NCKAP1: variants seen among roughly 807,000 people sequenced by gnomAD.
NCKAP1 encodes the protein NCK associated protein 1, also known as nck-associated protein 1.
Under a neutral mutation model 151.2 loss-of-function variants are expected in NCKAP1, and 21 were observed. The observed-to-expected ratio is 0.14, with a 90% CI of 0.10 to 0.20. The LOEUF is 0.20. Among genes scored for constraint, NCKAP1 ranks in the 10% least tolerant of loss-of-function variants. The pLI, the probability that NCKAP1 is intolerant of heterozygous loss-of-function variation, is 1.00. For missense variants in NCKAP1, 933 were observed against 1,352.1 expected (o/e 0.69, Z 4.86); for synonymous variants, 484 against 451.8 (o/e 1.07, Z -0.90).
At chr2:183,001,879 C>A in intron 6 of NCKAP1, 74 bp downstream of exon 6, 1 of 1,286,750 alleles carries the variant, frequency 7.8e-7, no homozygotes, top group East Asian at 2.3e-5. Context: ...ACAAGATTAT[C>A]CCTTTATCCA....
At chr2:183,004,661 A>T (rs1457458185) in intron 2 of NCKAP1, among the ~76,000 whole-genome samples, 2 of 152,124 alleles carry the variant, frequency 1.3e-5, no homozygotes, top group Admixed American at 6.5e-5. Context: ...AGATGGGTGG[A>T]TCACCTGAGG....
rs148632013 is a variant in NCKAP1, at chr2:183,029,175, T to C, written c.109-5259A>G. ...GTCAATTCAATATCTCTAAGTTCCT[T>C]TTAAAACACAAATCTGATGTTATCA... is the stretch of plus-strand genomic sequence containing the variant. On this transcript the variant is annotated intron_variant, in intron 1 of 30. Transcript: ENST00000361354. Among the ~76,000 whole-genome samples the C allele has an allele frequency of 4.0e-4, 61 of 152,112 alleles. 1 individual carries two copies. In the East Asian group the frequency reaches 0.01, roughly 25 times the overall value.
chr2:183,011,736 G>C (rs1698593412), intron 2 of NCKAP1, among the ~76,000 whole-genome samples: 1 of 152,086 alleles, frequency 6.6e-6, no homozygotes, highest in African/African-American at 2.4e-5. Flanking sequence ...CATGTCTTTG[G>C]GTAGACATAT....
rs1286451078 is a variant in NCKAP1, at chr2:182,989,176, A to T, written c.801T>A (p.Ile267=). 2 of 1,583,752 alleles carry T rather than the reference A, an allele frequency of 1.3e-6. No homozygotes were observed. The highest frequency in any genetic ancestry group is 4.5e-5 in the East Asian group (2 of 44,620). ...CAGTATTTAGGATCCCATGGCACAA[A>T]ATAAAGCCAACTTTAAATAAAAAGA... ...AMEKWIIFGF[I]LCHGILNTDA... is the part of the protein sequence containing the mutation. The change falls in exon 9 of 31, where the codon ATT becomes ATA. Residue 267 remains isoleucine, a synonymous_variant. Coordinates refer to ENST00000361354, the MANE Select transcript of NCKAP1 (RefSeq NM_013436.5).
chr2:183,001,559 A>G (rs1228552230), intron 6 of NCKAP1, among the ~76,000 whole-genome samples: 1 of 151,716 alleles, frequency 6.6e-6, no homozygotes, highest in Non-Finnish European at 1.5e-5. Context: ...AAGTGCTATT[A>G]TTATTCCATT....
intron 6 of NCKAP1, among the ~76,000 whole-genome samples, chr2:183,000,609 T>C (rs1698358121): frequency 6.6e-6 from 1 of 152,100 alleles, no homozygotes; most frequent in Non-Finnish European, 1.5e-5. Flanking sequence ...AAAATGCTGA[T>C]TTTTTTAAAT....
Position 183,032,283 on chromosome 2 carries a change from T to C in NCKAP1, c.108+5709A>G, listed in dbSNP as rs193161362. On this transcript the variant is annotated intron_variant, in intron 1 of 30. Transcript: ENST00000361354. ...CTCAACTCACAGAATATTCTGCAAG[T>C]ACGGAAAATGTTTAGAAAATAAGTG... Among the ~76,000 whole-genome samples the C allele has an allele frequency of 1.3e-3, 191 of 152,280 alleles. 2 individuals carry two copies. The highest frequency in any genetic ancestry group is 4.5e-3 in the African/African-American group (185 of 41,558).
At chr2:183,002,622 A>G (rs1249908250) in intron 4 of NCKAP1, among the ~76,000 whole-genome samples, 3 of 151,944 alleles carry the variant, frequency 2.0e-5, no homozygotes, top group Admixed American at 1.3e-4. Context: ...AATGGAGACA[A>G]TTTTCACTTT....
chr2:182,982,085 A>C (rs1218648820), intron 12 of NCKAP1, among the ~76,000 whole-genome samples: 1 of 152,132 alleles, frequency 6.6e-6, no homozygotes, highest in Non-Finnish European at 1.5e-5. Flanking sequence ...AAAATAAGAC[A>C]CATTTTAATG....
intron 29 of NCKAP1, 50 bp from the exon 30 acceptor site, chr2:182,926,955 C>G: frequency 3.2e-6 from 4 of 1,269,210 alleles, no homozygotes; most frequent in Non-Finnish European, 4.5e-6. Context: ...AAAGGTTCAT[C>G]GGTTACTTAT....
intron 6 of NCKAP1, 93 bp from the exon 7 acceptor site, chr2:182,995,931 C>G (rs1350071629): frequency 9.2e-7 from 1 of 1,090,450 alleles, no homozygotes; most frequent in Non-Finnish European, 1.3e-6. Context: ...CTAACTATAC[C>G]ATCATAAAAC....
At chr2:183,035,261 C>CA (rs1450213582) in intron 1 of NCKAP1, among the ~76,000 whole-genome samples, 3 of 151,000 alleles carry the variant, frequency 2.0e-5, no homozygotes, top group Non-Finnish European at 4.4e-5. Flanking sequence ...ATTAAGATCT[C>CA]AAAATTTTTG....
chr2:182,955,969 T>C (rs1697317073), intron 20 of NCKAP1, among the ~76,000 whole-genome samples: 1 of 152,224 alleles, frequency 6.6e-6, no homozygotes. Flanking sequence ...CTGGTGTTAC[T>C]AGTTAATACT....
At chr2:182,936,290 A>C (rs1296917250) in intron 24 of NCKAP1, among the ~76,000 whole-genome samples, 3 of 152,104 alleles carry the variant, frequency 2.0e-5, no homozygotes, top group Non-Finnish European at 4.4e-5. Flanking sequence ...TAGGATTGGA[A>C]GGGTCAATAT....
At chr2:182,971,001 C>CA (rs909777281) in intron 15 of NCKAP1, among the ~76,000 whole-genome samples, 9 of 149,484 alleles carry the variant, frequency 6.0e-5, no homozygotes, top group South Asian at 2.1e-4. Flanking sequence ...CAATAACTAC[C>CA]AAAAAAAAAG....
chr2:182,970,090 A>G (rs1697656026), intron 15 of NCKAP1, among the ~76,000 whole-genome samples: 1 of 152,200 alleles, frequency 6.6e-6, no homozygotes, highest in African/African-American at 2.4e-5. Context: ...AAGGACCAGT[A>G]ATAAGTAATG....
At chr2:182,992,100 T>A (rs1305300056) in intron 8 of NCKAP1, among the ~76,000 whole-genome samples, 1 of 152,164 alleles carries the variant, frequency 6.6e-6, no homozygotes, top group Non-Finnish European at 1.5e-5. Flanking sequence ...ATTCTGCACA[T>A]CTAAGAAGTT....
intron 9 of NCKAP1, among the ~76,000 whole-genome samples, chr2:182,988,003 T>C (rs748884248): frequency 6.6e-6 from 1 of 152,186 alleles, no homozygotes; most frequent in Non-Finnish European, 1.5e-5. Context: ...GGAGTTTTCA[T>C]ATGCAAAGTC....
intron 9 of NCKAP1, among the ~76,000 whole-genome samples, chr2:182,987,126 TA>T (rs770603833): frequency 8.6e-5 from 13 of 151,850 alleles, no homozygotes; most frequent in African/African-American, 2.7e-4. Flanking sequence ...CCTGTAATCC[TA>T]ACTACTTGGG....
Sources: gnomAD v4.1 joint callset for allele counts (sites outside exome capture counted in the v4.1 genomes callset) on GRCh38, gnomAD v4.1.1 for gene constraint, MANE v1.5 for transcripts, NCBI Gene and HGNC (gene_info 2026-07-23, HGNC 2026-07-21) for gene names.